The following PRKAG2 variants were observed in gnomAD, a reference collection of about 807,000 sequenced individuals.
PRKAG2 encodes 5'-AMP-activated protein kinase subunit gamma-2.
PRKAG2 carries 26 observed loss-of-function variants against 69.6 expected under a neutral mutation model. The observed-to-expected ratio is 0.37, with a 90% CI of 0.27 to 0.52. The LOEUF is 0.52. Among genes scored for constraint, PRKAG2 ranks in the 20% least tolerant of loss-of-function variants. PRKAG2 has a pLI of 0.90. For synonymous variants in PRKAG2, 293 were observed against 285.0 expected (o/e 1.03, Z -0.28); for missense variants, 557 against 740.0 (o/e 0.75, Z 2.87).
At chr7:151,709,645 A>G (rs527629444) in intron 3 of PRKAG2, among the ~76,000 whole-genome samples, 3 of 152,068 alleles carry the variant, frequency 2.0e-5, no homozygotes, top group Admixed American at 2.0e-4. Context: ...TGTCAGTGAC[A>G]TGATATATGT....
At chr7:151,831,481 C>A (rs1031911086) in intron 1 of PRKAG2, among the ~76,000 whole-genome samples, 14 of 152,156 alleles carry the variant, frequency 9.2e-5, no homozygotes, top group African/African-American at 2.9e-4. Context: ...TAAAAGACTT[C>A]TTTTAGGTGA....
Position 151,583,798 on chromosome 7 carries a change from C to A in PRKAG2, c.865-7346G>T, listed in dbSNP as rs769631714. Among the ~76,000 whole-genome samples, 1 of 152,078 alleles carries A rather than the reference C, an allele frequency of 6.6e-6. No individual in the cohort carries two copies. Among genetic ancestry groups the A allele is most frequent in the Non-Finnish European group, 1.5e-5 (1 of 68,008 alleles). ...ATAGGATTTTCAACACATTTCAAAGCAAATGTGATAATTAGATAAGAAAAG... is the reference window on the plus strand; with the variant it reads ...ATAGGATTTTCAACACATTTCAAAGAAAATGTGATAATTAGATAAGAAAAG... On this transcript the variant is annotated intron_variant, in intron 6 of 15. Transcript: ENST00000287878. This position sits in a 1 kb window ranked among gnomAD's most constrained non-coding sequence, Gnocchi z 4.1.
At chr7:151,608,022 A>G (rs912287265) in intron 5 of PRKAG2, among the ~76,000 whole-genome samples, 7 of 151,946 alleles carry the variant, frequency 4.6e-5, no homozygotes, top group Non-Finnish European at 8.8e-5. Context: ...GTGTCCTTAT[A>G]AGAGAGAGAG....
rs10243780 is a variant in PRKAG2 at position 151,667,899 on chromosome 7, A to T, written c.684+7521T>A. ...CCCACCCAAATTGCTGACCCACAGA[A>T]TTGTGAGTTAAGTAAATGGTGGTTA... is the stretch of plus-strand genomic sequence containing the variant. On this transcript the variant is annotated intron_variant, in intron 4 of 15. Transcript: ENST00000287878. Among the ~76,000 whole-genome samples the T allele has an allele frequency of 4.7e-3, 720 of 152,330 alleles. 3 individuals carry two copies. The highest frequency in any genetic ancestry group is 0.017 in the African/African-American group (688 of 41,570).
At chr7:151,798,971 T>C (rs1207106529) in intron 1 of PRKAG2, among the ~76,000 whole-genome samples, 1 of 152,046 alleles carries the variant, frequency 6.6e-6, no homozygotes, top group Non-Finnish European at 1.5e-5. Flanking sequence ...CTTGGCCTCA[T>C]CCCCAGGCCA....
At chr7:151,582,949 C>T (rs1341069251) in intron 6 of PRKAG2, among the ~76,000 whole-genome samples, 4 of 152,238 alleles carry the variant, frequency 2.6e-5, no homozygotes, top group Non-Finnish European at 5.9e-5. Flanking sequence ...GTGCTCAGCA[C>T]TAACAGCCAA....
chr7:151,584,688 G>C (rs1027428759), intron 6 of PRKAG2, among the ~76,000 whole-genome samples: 1 of 152,158 alleles, frequency 6.6e-6, no homozygotes, highest in Admixed American at 6.5e-5. Context: ...CTTGAGCCTC[G>C]GGGTTCAAGA....
chr7:151,776,545 C>T (rs1286857066), intron 3 of PRKAG2, among the ~76,000 whole-genome samples: 1 of 152,244 alleles, frequency 6.6e-6, no homozygotes, highest in Non-Finnish European at 1.5e-5. Context: ...CAGTGCCTGA[C>T]TCCCTGTGTC....
At chr7:151,706,429 G>C (rs1267577832) in intron 3 of PRKAG2, among the ~76,000 whole-genome samples, 1 of 152,166 alleles carries the variant, frequency 6.6e-6, no homozygotes, top group East Asian at 1.9e-4. Flanking sequence ...TCATCTCCCA[G>C]ACTGTGAAAC....
chr7:151,728,614 G>T (rs779704269), intron 3 of PRKAG2, among the ~76,000 whole-genome samples: 13 of 151,668 alleles, frequency 8.6e-5, no homozygotes, highest in Non-Finnish European at 1.6e-4. Flanking sequence ...ACCCCTTCAG[G>T]CTCTGAAATC....
intron 3 of PRKAG2, among the ~76,000 whole-genome samples, chr7:151,772,822 C>T (rs2076081994): frequency 1.3e-5 from 2 of 151,506 alleles, no homozygotes; most frequent in African/African-American, 2.4e-5. Flanking sequence ...CCAATTTCTA[C>T]AAAAAGTTAA....
chr7:151,556,315 G>GC lies in PRKAG2; in HGVS notation c.*885dup, dbSNP rs1563116827. The GC allele has an allele frequency of 6.6e-6, 1 of 152,440 alleles. No individual in the cohort carries two copies. Among genetic ancestry groups the GC allele is most frequent in the East Asian group, 1.9e-4 (1 of 5,200 alleles). 9.4% of individuals were successfully genotyped at this position (152,440 alleles called of 1,614,324 possible). On this transcript the variant is annotated 3_prime_UTR_variant, in exon 16 of 16. Coordinates refer to ENST00000287878, the MANE Select transcript of PRKAG2 (RefSeq NM_016203.4). ...CACAATAAAATTTACAAAAACAATCGCATCAGCAGTCATAACAAACATCAT... is the reference window on the plus strand; with the variant it reads ...CACAATAAAATTTACAAAAACAATCGCCATCAGCAGTCATAACAAACATCAT...
At chr7:151,724,621 C>T (rs1021504185) in intron 3 of PRKAG2, among the ~76,000 whole-genome samples, 17 of 152,122 alleles carry the variant, frequency 1.1e-4, no homozygotes, top group African/African-American at 2.4e-4. Flanking sequence ...CGGCACTTCC[C>T]GGGCTTTGGG....
chr7:151,867,420 G>A (rs968034874), intron 1 of PRKAG2, among the ~76,000 whole-genome samples: 11 of 152,134 alleles, frequency 7.2e-5, no homozygotes, highest in South Asian at 4.2e-4. Flanking sequence ...ACCCTTCAGC[G>A]GCCCATATTC....
chr7:151,657,020 C>G (rs983901428), intron 4 of PRKAG2, among the ~76,000 whole-genome samples: 2 of 151,808 alleles, frequency 1.3e-5, no homozygotes, highest in African/African-American at 4.8e-5. Context: ...GCCTGGAATC[C>G]CAGTTACTGG....
chr7:151,565,743 G>A lies in PRKAG2; in HGVS notation c.1376C>T (p.Ala459Val), dbSNP rs1806096948. 1.2e-6 allele frequency: 2 copies of A among 1,613,922 alleles called. No individual in the cohort carries two copies. Among genetic ancestry groups the A allele is most frequent in the Non-Finnish European group, 1.7e-6 (2 of 1,179,786 alleles). The part of the protein sequence containing the change: ...LNIFVERRIS[A>V]LPVVDESGKV... ...ACCTGACTCATCCACAACAGGCAGA[G>A]CTGATATTCGTCTTTCCACAAATAT... is the stretch of plus-strand genomic sequence containing the variant. Residue 459 changes from alanine (A) to valine (V), a missense_variant, in exon 12 of 16, where the codon GCT becomes GTT. This residue lies in a region of PRKAG2 where 205 missense variants were observed against 383.4 expected (regional missense o/e 0.53). Transcript: ENST00000287878.
chr7:151,676,278 G>C (rs57186094), intron 3 of PRKAG2, among the ~76,000 whole-genome samples: 4,276 of 149,372 alleles, frequency 0.029, 192 homozygotes, highest in East Asian at 0.21. Flanking sequence ...GGAGGGGAGG[G>C]GAGGGGATGG....
chr7:151,561,235 T>C (rs1804876958), intron 14 of PRKAG2, among the ~76,000 whole-genome samples: 1 of 152,210 alleles, frequency 6.6e-6, no homozygotes, highest in Non-Finnish European at 1.5e-5. Flanking sequence ...TTTCAAAATA[T>C]TAATATAGAA....
chr7:151,864,863 G>A (rs1050622893), intron 1 of PRKAG2, among the ~76,000 whole-genome samples: 2 of 152,064 alleles, frequency 1.3e-5, no homozygotes, highest in African/African-American at 2.4e-5. Flanking sequence ...CCATACAGCC[G>A]TGGTGCTTGA....
Sources: gnomAD v4.1 joint callset for allele counts (sites outside exome capture counted in the v4.1 genomes callset) on GRCh38, gnomAD v4.1.1 for gene constraint, gnomAD v4.1.1 regional missense constraint, Gnocchi (gnomAD v3.1) non-coding constraint, MANE v1.5 for transcripts, NCBI Gene and HGNC (gene_info 2026-07-23, HGNC 2026-07-21) for gene names.